Variants in ZAN observed in about 807,000 individuals in gnomAD.
The protein encoded by ZAN is zonadhesin.
Under a neutral mutation model 286.2 loss-of-function variants are expected in ZAN, and 260 were observed. That is an observed-to-expected ratio of 0.91 (90% CI 0.82 to 1.01). The LOEUF is 1.01. Ranked by LOEUF, ZAN falls within the 50% of genes least tolerant of loss-of-function variation. The pLI, the probability that ZAN is intolerant of heterozygous loss-of-function variation, is 0.00. For synonymous variants in ZAN, 1,368 were observed against 1,417.5 expected (o/e 0.97, Z 0.79); for missense variants, 3,410 against 3,639.2 (o/e 0.94, Z 1.62).
chr7:100,773,595 G>T (rs1344875964), intron 30 of ZAN, 102 bp downstream of exon 30: 8 of 1,545,380 alleles, frequency 5.2e-6, no homozygotes, highest in Non-Finnish European at 7.0e-6. Flanking sequence ...ACCTGGGAGG[G>T]GCAGGGCTGG....
chr7:100,787,043 C>G (rs1326945418), intron 37 of ZAN, among the ~76,000 whole-genome samples: 2 of 148,906 alleles, frequency 1.3e-5, no homozygotes, highest in East Asian at 2.0e-4. Flanking sequence ...GCCTGGGACA[C>G]AGAGTGAGAT....
chr7:100,770,301 G>A (rs886086687), intron 28 of ZAN, among the ~76,000 whole-genome samples: 16 of 151,550 alleles, frequency 1.1e-4, no homozygotes, highest in African/African-American at 3.6e-4. Context: ...TCAGGAGTTC[G>A]AGACCAGCCT....
chr7:100,746,549 A>G lies in ZAN; in HGVS notation c.778A>G (p.Met260Val), dbSNP rs1332049689. 2.3e-5 allele frequency: 37 copies of G among 1,613,656 alleles called. No homozygotes were observed. The highest frequency in any genetic ancestry group is 3.1e-5 in the Non-Finnish European group (36 of 1,179,846). ...DFSSPGSGCY[M>V]LLDPKNARPG... is the part of the protein sequence containing the mutation. ...CTTTTGCTTCACAGGTGGCTGCTAC[A>G]TGCTCCTGGACCCCAAGAATGCAAG... The change falls in exon 8 of 48, where the codon ATG becomes GTG. Residue 260 changes from methionine (M) to valine (V), a missense_variant. Physicochemically the swap from Met to Val is conservative, Grantham distance 21 (BLOSUM62 1). Around this residue, in one of 7 missense-constraint regions of ZAN, gnomAD observed 872 missense variants for 938.9 expected, o/e 0.93. Coordinates refer to ENST00000613979, the MANE Select transcript of ZAN (RefSeq NM_003386.3).
At chr7:100,787,491 G>A (rs571445328) in intron 37 of ZAN, among the ~76,000 whole-genome samples, 1 of 152,252 alleles carries the variant, frequency 6.6e-6, no homozygotes, top group South Asian at 2.1e-4. Flanking sequence ...TGGCCACAGG[G>A]GATGCCACCG....
chr7:100,776,718 C>T (rs865962906), intron 34 of ZAN, among the ~76,000 whole-genome samples, 154 bp downstream of exon 34: 36 of 47,504 alleles, frequency 7.6e-4, no homozygotes, highest in East Asian at 3.1e-3. Flanking sequence ...CCTCTCCTTT[C>T]TTTTTTTTTT....
At position 100,736,933 on chromosome 7, in the gene ZAN, G is replaced by C. The variant is rs75834296; in HGVS notation, c.378G>C (p.Leu126=). ...CVHFAHHMFG[L]SWGAQLRLLL... ...ACTTTGCCCACCACATGTTCGGGCTGTCTTGGGGCGCCCAGCTCAGGCTGC... is the reference window on the plus strand; with the variant it reads ...ACTTTGCCCACCACATGTTCGGGCTCTCTTGGGGCGCCCAGCTCAGGCTGC... Residue 126 remains leucine (L), a synonymous_variant, in exon 5 of 48, where the codon CTG becomes CTC. Transcript: ENST00000613979. 0.04 allele frequency: 59,677 copies of C among 1,500,082 alleles called. 11,496 individuals are homozygous for C. Among genetic ancestry groups the C allele is most frequent in the South Asian group, 0.15 (12,870 of 85,906 alleles). 92.9% of individuals were successfully genotyped at this position (1,500,082 alleles called of 1,614,324 possible).
At chr7:100,774,383 C>A (rs1189861921) in intron 31 of ZAN, among the ~76,000 whole-genome samples, 1 of 151,690 alleles carries the variant, frequency 6.6e-6, no homozygotes, top group Non-Finnish European at 1.5e-5. Context: ...TAAATCTTTT[C>A]CTGGAGGCCA....
chr7:100,795,709 A>T lies in ZAN; in HGVS notation c.8266+373A>T, dbSNP rs140450295. Among the ~76,000 whole-genome samples the T allele has an allele frequency of 2.4e-3, 365 of 151,958 alleles. 10 individuals carry two copies. In the East Asian group the frequency reaches 0.068, roughly 28 times the overall value. ...ATCACGAGGTCAGGAGATGGAGACC[A>T]TTCTGGCTAACGAAGTGAAACCCCG... On this transcript the variant is annotated intron_variant, in intron 45 of 47. Transcript: ENST00000613979.
At position 100,787,915 on chromosome 7, in the gene ZAN, G is replaced by T; in HGVS notation, c.7006G>T (p.Asp2336Tyr). The change falls in exon 38 of 48, where the codon GAC (aspartate) becomes TAC (tyrosine). Residue 2336 changes from aspartate to tyrosine, a missense_variant. Coordinates refer to ENST00000613979, the MANE Select transcript of ZAN (RefSeq NM_003386.3). ...GTCTGAACAATGCTCAGTCTATGGC[G>T]ACCCCCGTTACCTCACATTTGACGG... ...DKSEQCSVYG[D>Y]PRYLTFDGFS... 6.5e-7 allele frequency: 1 copy of T among 1,542,068 alleles called. No homozygotes were observed. The highest frequency in any genetic ancestry group is 8.8e-7 in the Non-Finnish European group (1 of 1,131,614).
intron 35 of ZAN, among the ~76,000 whole-genome samples, chr7:100,781,592 C>A (rs1055892191): frequency 1.3e-5 from 2 of 151,640 alleles, no homozygotes; most frequent in African/African-American, 4.8e-5. Flanking sequence ...GTGACCAGAT[C>A]CTCTGATTTT....
Position 100,734,117 on chromosome 7 carries a change from C to T in ZAN, c.-52C>T. 1 of 1,225,062 alleles carries T rather than the reference C, an allele frequency of 8.2e-7. No individual in the cohort carries two copies. The highest frequency in any genetic ancestry group is 1.2e-6 in the Non-Finnish European group (1 of 860,664). 75.9% of individuals were successfully genotyped at this position (1,225,062 alleles called of 1,614,324 possible). A position where few individuals can be genotyped will look rare whatever the true frequency, so the allele number is the denominator to read the frequency against. ...CAGGGGGGAATAAAAGGAGTCCAGG[C>T]TCCCAACTGTGCCCTTCCCCTCTCC... On this transcript the variant is annotated 5_prime_UTR_variant, in exon 2 of 48. Coordinates refer to ENST00000613979, the MANE Select transcript of ZAN (RefSeq NM_003386.3).
chr7:100,758,698 A>G, intron 17 of ZAN, 48 bp downstream of exon 17: 3 of 1,541,486 alleles, frequency 1.9e-6, no homozygotes, highest in South Asian at 2.4e-5. Flanking sequence ...GTCTGTGGGC[A>G]GCGCTGCTAG....
At chr7:100,736,399 A>G in intron 3 of ZAN, 84 bp from the exon 4 acceptor site, 2 of 1,378,126 alleles carry the variant, frequency 1.5e-6, no homozygotes, top group South Asian at 2.3e-5. Context: ...TAAGTGTAGC[A>G]ATCTTGCTAC....
At chr7:100,785,900 C>A in intron 36 of ZAN, 97 bp from the exon 37 acceptor site, 2 of 1,451,560 alleles carry the variant, frequency 1.4e-6, no homozygotes, top group Admixed American at 2.2e-5. Flanking sequence ...CTCAGGTGAT[C>A]CACCCGTCTC....
chr7:100,790,943 G>A lies in ZAN; in HGVS notation c.7359G>A (p.Val2453=). The change falls in exon 40 of 48, where the codon GTG becomes GTA. Residue 2453 remains valine, a splice_region_variant and synonymous_variant. Transcript: ENST00000613979. ...CTGGGGACCCCCTTCCTCCCGCAGTGATCTCCCTACCCAGCATGTACGAGG... is the reference window on the plus strand; with the variant it reads ...CTGGGGACCCCCTTCCTCCCGCAGTAATCTCCCTACCCAGCATGTACGAGG... ...VVSFGGRKNA[V]ISLPSMYEGL... The A allele has an allele frequency of 6.2e-7, 1 of 1,607,790 alleles. No individual in the cohort carries two copies.
At chr7:100,782,674 GTT>G (rs149599755) in intron 35 of ZAN, among the ~76,000 whole-genome samples, 119 of 113,876 alleles carry the variant, frequency 1.0e-3, no homozygotes, top group South Asian at 9.9e-3. Context: ...ATTTAAGTGG[GTT>G]TTTTTTGTGT....
At chr7:100,789,080 A>G in intron 38 of ZAN, 138 bp from the exon 39 acceptor site, 1 of 1,265,842 alleles carries the variant, frequency 7.9e-7, no homozygotes, top group Middle Eastern at 2.9e-4. Flanking sequence ...CGTGAATAGC[A>G]AAGCCCATTG....
Position 100,758,295 on chromosome 7 carries a change from C to T in ZAN, c.3403C>T (p.His1135Tyr). 6.2e-7 allele frequency: 1 copy of T among 1,613,338 alleles called. No individual in the cohort carries two copies. Among genetic ancestry groups the T allele is most frequent in the Non-Finnish European group, 8.5e-7 (1 of 1,179,860 alleles). ...GTGCCAGATCTCTCAGTGTGGGACA[C>T]ACACCGTGTGCCAGCTTAAGAATGG... ...VECQISQCGT[H>Y]TVCQLKNGQY... Residue 1135 changes from histidine to tyrosine, a missense_variant, in exon 16 of 48, where the codon CAC (histidine) becomes TAC (tyrosine). His to Tyr is a moderately conservative substitution (Grantham distance 83). This residue lies in a region of ZAN where 1,042 missense variants were observed against 1,058.0 expected (regional missense o/e 0.98). Transcript: ENST00000613979.
chr7:100,795,270 T>G lies in ZAN; in HGVS notation c.8200T>G (p.Cys2734Gly), dbSNP rs1562961444. 1 of 1,611,460 alleles carries G rather than the reference T, an allele frequency of 6.2e-7. No homozygotes were observed. Among genetic ancestry groups the G allele is most frequent in the South Asian group, 1.1e-5 (1 of 90,778 alleles). The change falls in exon 45 of 48, where the codon TGT (cysteine) becomes GGT (glycine). Residue 2734 changes from cysteine to glycine, a missense_variant. Cys to Gly is a radical substitution (Grantham distance 159). Transcript: ENST00000613979. ...REQGATFTCE[C>G]EVGYGGGLCM... ...GCAGGGAGCCACCTTCACCTGCGAG[T>G]GTGAAGTTGGTTACGGGGGAGGCCT... is the stretch of plus-strand genomic sequence containing the variant.
Sources: gnomAD v4.1 joint callset for allele counts (sites outside exome capture counted in the v4.1 genomes callset) on GRCh38, gnomAD v4.1.1 for gene constraint, gnomAD v4.1.1 regional missense constraint, MANE v1.5 for transcripts, NCBI Gene and HGNC (gene_info 2026-07-23, HGNC 2026-07-21) for gene names.